Variants in NELL2 observed in about 807,000 individuals in gnomAD.
The protein encoded by NELL2 is protein kinase C-binding protein NELL2.
A neutral mutation model predicts 109.6 loss-of-function variants in NELL2; 41 were observed. That is an observed-to-expected ratio of 0.37 (90% confidence interval 0.29 to 0.49). The LOEUF is 0.49. NELL2 is among the 20% of genes least tolerant of loss of function. The pLI, the probability that NELL2 is intolerant of heterozygous loss-of-function variation, is 0.98. For missense variants in NELL2, 900 were observed against 1,008.3 expected (o/e 0.89, Z 1.45); for synonymous variants, 355 against 344.7 (o/e 1.03, Z -0.33).
chr12:44,563,646 T>C (rs972654786), intron 15 of NELL2, among the ~76,000 whole-genome samples: 2 of 152,198 alleles, frequency 1.3e-5, no homozygotes, highest in Non-Finnish European at 2.9e-5. Flanking sequence ...ATGTTGAACA[T>C]AACTCAATCT....
At chr12:44,596,521 T>C (rs1052409533) in intron 15 of NELL2, among the ~76,000 whole-genome samples, 4 of 152,228 alleles carry the variant, frequency 2.6e-5, no homozygotes, top group African/African-American at 9.6e-5. Context: ...TAACATTTAC[T>C]GAGCCATTGC....
intron 1 of NELL2, among the ~76,000 whole-genome samples, chr12:44,904,204 CTT>C (rs1362112800): frequency 2.0e-5 from 3 of 151,804 alleles, no homozygotes; most frequent in African/African-American, 2.4e-5. Context: ...TTTAGAAAAA[CTT>C]ATGTTACTTC....
chr12:44,775,696 C>T (rs149952192), intron 8 of NELL2, among the ~76,000 whole-genome samples: 1 of 151,964 alleles, frequency 6.6e-6, no homozygotes, highest in African/African-American at 2.4e-5. Context: ...CATGAAAACA[C>T]AAGGGAGAAA....
intron 12 of NELL2, among the ~76,000 whole-genome samples, chr12:44,695,685 T>C (rs527407703): frequency 1.3e-5 from 2 of 152,240 alleles, no homozygotes; most frequent in African/African-American, 2.4e-5. Flanking sequence ...CCTGGGTAAA[T>C]GATTTTGAAG....
At chr12:44,645,260 C>G (rs376799142) in intron 13 of NELL2, among the ~76,000 whole-genome samples, 1 of 152,088 alleles carries the variant, frequency 6.6e-6, no homozygotes, top group Non-Finnish European at 1.5e-5. Flanking sequence ...AAGGGAAGAA[C>G]ATGGGCCAAT....
At chr12:44,769,298 C>G (rs1473628930) in intron 9 of NELL2, among the ~76,000 whole-genome samples, 1 of 152,074 alleles carries the variant, frequency 6.6e-6, no homozygotes, top group African/African-American at 2.4e-5. Context: ...AATACTTACT[C>G]TTACTTTTTA....
At chr12:44,842,359 T>C (rs1566512968) in intron 2 of NELL2, among the ~76,000 whole-genome samples, 1 of 152,148 alleles carries the variant, frequency 6.6e-6, no homozygotes, top group Non-Finnish European at 1.5e-5. Context: ...TTGTTTTCAA[T>C]AAACCATACT....
At chr12:44,535,333 T>A (rs894805812) in intron 15 of NELL2, among the ~76,000 whole-genome samples, 1 of 151,790 alleles carries the variant, frequency 6.6e-6, no homozygotes. Flanking sequence ...CTATCATAAA[T>A]TAAAAAAACT....
rs1342932046 is a variant in NELL2 at position 44,667,053 on chromosome 12, C to A, written c.1319-1444G>T. On this transcript the variant is annotated intron_variant, in intron 12 of 19. Transcript: ENST00000429094. The stretch of plus-strand genomic sequence containing the variant: ...AACTTCCCTAATGAACTAAAATACT[C>A]CCAACGCAGTGCTACCTCAGGATTT... Among the ~76,000 whole-genome samples, 5 of 152,188 alleles carry A rather than the reference C, an allele frequency of 3.3e-5. No homozygotes were observed. In the South Asian group the frequency reaches 8.3e-4, roughly 25 times the overall value.
At chr12:44,655,643 C>T (rs548817426) in intron 13 of NELL2, among the ~76,000 whole-genome samples, 10 of 152,174 alleles carry the variant, frequency 6.6e-5, no homozygotes, top group Non-Finnish European at 1.0e-4. Context: ...AACATTAACC[C>T]TTCCTGGTAA....
chr12:44,759,399 T>C (rs76097733), intron 9 of NELL2, among the ~76,000 whole-genome samples: 2,497 of 152,236 alleles, frequency 0.016, 43 homozygotes, highest in Admixed American at 0.039. Flanking sequence ...AGTTTTGACT[T>C]TTTAGAAATT....
intron 9 of NELL2, among the ~76,000 whole-genome samples, chr12:44,765,708 A>G (rs1941301352): frequency 6.6e-6 from 1 of 152,202 alleles, no homozygotes; most frequent in African/African-American, 2.4e-5. Flanking sequence ...TCCAAGAACA[A>G]TTTTTAAGGC....
intron 13 of NELL2, among the ~76,000 whole-genome samples, chr12:44,651,842 T>C (rs551156994): frequency 6.6e-6 from 1 of 152,254 alleles, no homozygotes; most frequent in East Asian, 1.9e-4. Flanking sequence ...CATGTTTTTC[T>C]ACTGGAACTG....
chr12:44,713,123 T>G (rs1023408927), intron 10 of NELL2, among the ~76,000 whole-genome samples: 2 of 149,674 alleles, frequency 1.3e-5, no homozygotes, highest in Non-Finnish European at 1.5e-5. Context: ...ACCAGTACAT[T>G]TCTAAACCAC....
In NELL2 at chr12:44,875,482, C is replaced by T. The variant is rs199701874; in HGVS notation, c.56-129G>A. ...GGGAACTGAAGATGAGAGGCGACTGCCTCCTCCTCCGCCGAGAGCCTTACC... is the reference window on the plus strand; with the variant it reads ...GGGAACTGAAGATGAGAGGCGACTGTCTCCTCCTCCGCCGAGAGCCTTACC... On this transcript the variant is annotated intron_variant, in intron 1 of 19. Coordinates refer to ENST00000429094, the MANE Select transcript of NELL2 (RefSeq NM_001145108.2). The T allele has an allele frequency of 1.9e-6, 3 of 1,613,888 alleles. No homozygotes were observed. The Admixed American group carries it at 5.0e-5, about 27-fold the overall frequency.
chr12:44,519,879 T>A, intron 19 of NELL2, 126 bp downstream of exon 19: 1 of 807,024 alleles, frequency 1.2e-6, no homozygotes. Context: ...TCCGCCCACC[T>A]ATGTTTGAAA....
At chr12:44,563,776 T>C (rs537001306) in intron 15 of NELL2, among the ~76,000 whole-genome samples, 1 of 152,346 alleles carries the variant, frequency 6.6e-6, no homozygotes, top group East Asian at 1.9e-4. Flanking sequence ...TAGCCTTTTC[T>C]AATTTTAGAC....
At chr12:44,532,464 G>C (rs1229538488) in intron 16 of NELL2, 117 bp downstream of exon 16, 27 of 946,720 alleles carry the variant, frequency 2.9e-5, no homozygotes, top group Non-Finnish European at 4.1e-5. Flanking sequence ...AATCACTGTT[G>C]TATACACATA....
intron 13 of NELL2, among the ~76,000 whole-genome samples, chr12:44,642,717 A>G (rs899856525): frequency 6.6e-6 from 1 of 152,136 alleles, no homozygotes; most frequent in Admixed American, 6.5e-5. Context: ...CCCTATCTCT[A>G]CTAAAAATAC....
Sources: gnomAD v4.1 joint callset for allele counts (sites outside exome capture counted in the v4.1 genomes callset) on GRCh38, gnomAD v4.1.1 for gene constraint, MANE v1.5 for transcripts, NCBI Gene and HGNC (gene_info 2026-07-23, HGNC 2026-07-21) for gene names.